The following ARSL variants were observed in gnomAD, a reference collection of about 807,000 sequenced individuals.
ARSL encodes the protein arylsulfatase L.
ARSL carries 4 observed loss-of-function variants against 31.1 expected under a neutral mutation model. That is an observed-to-expected ratio of 0.13 (90% CI 0.06 to 0.29). The LOEUF is 0.29. ARSL is among the 10% of genes least tolerant of loss of function. ARSL has a pLI of 1.00. For synonymous variants in ARSL, 198 were observed against 209.9 expected (o/e 0.94, Z 0.49); for missense variants, 312 against 497.8 (o/e 0.63, Z 3.55).
chrX:2,940,170 A>T (rs1407931176), intron 8 of ARSL, among the ~76,000 whole-genome samples: 1 of 109,982 alleles, frequency 9.1e-6, no homozygotes, highest in Non-Finnish European at 1.9e-5. Flanking sequence ...GCCTGGCCTT[A>T]TCCTTCTTGG....
Position 2,938,194 on chromosome X carries a change from C to A in ARSL, c.1190G>T (p.Gly397Val). ...IRVPGIFRWP[G>V]VLPAGRVIGE... Reference sequence around the variant, plus strand: ...AATCACTCGGCCGGCCGGGAGCACCCCGGGCCAGCGGAAGATCCCGGGCAC... The same window carrying A: ...AATCACTCGGCCGGCCGGGAGCACCACGGGCCAGCGGAAGATCCCGGGCAC... Residue 397 changes from glycine (G) to valine (V), a missense_variant, in exon 9 of 11, where the codon GGG becomes GTG. Coordinates refer to ENST00000381134, the MANE Select transcript of ARSL (RefSeq NM_000047.3). The A allele has an allele frequency of 8.2e-7, 1 of 1,212,200 alleles. No homozygotes were observed. The highest frequency in any genetic ancestry group is 1.1e-6 in the Non-Finnish European group (1 of 895,625).
At position 2,949,666 on chromosome X, in the gene ARSL, A is replaced by T; in HGVS notation, c.492T>A (p.His164Gln). 8.3e-7 allele frequency: 1 copy of T among 1,211,830 alleles called. No individual in the cohort carries two copies. Among genetic ancestry groups the T allele is most frequent in the Non-Finnish European group, 1.1e-6 (1 of 895,510 alleles). The part of the protein sequence containing the change: ...SASDHCHHPL[H>Q]HGFDHFYGMP... Reference sequence around the variant, plus strand: ...TTCCGTAGAAATGGTCAAAGCCATGATGGAGAGGGTGGTGGCAATGATCAC... The same window carrying T: ...TTCCGTAGAAATGGTCAAAGCCATGTTGGAGAGGGTGGTGGCAATGATCAC... The change falls in exon 6 of 11, where the codon CAT becomes CAA. Residue 164 changes from histidine to glutamine, a missense_variant. His to Gln is a conservative substitution (Grantham distance 24). Transcript: ENST00000381134.
At chrX:2,967,796 C>T (rs998513356), upstream of ARSL, among the ~76,000 whole-genome samples, 5 of 111,491 alleles carry the variant, frequency 4.5e-5, no homozygotes, top group Non-Finnish European at 9.4e-5. Flanking sequence ...TTCGCCTGGG[C>T]CCTGTTCCCA....
chrX:2,963,294 G>C (rs2089663441), intron 1 of ARSL, among the ~76,000 whole-genome samples: 1 of 111,141 alleles, frequency 9.0e-6, no homozygotes, highest in South Asian at 3.8e-4. Context: ...TGTACATGGA[G>C]AGAAAACCAA....
chrX:2,937,008 G>T, intron 9 of ARSL, 145 bp from the exon 10 acceptor site: 1 of 806,522 alleles, frequency 1.2e-6, no homozygotes, highest in Non-Finnish European at 1.8e-6. Flanking sequence ...GAACGCAGAT[G>T]GATGGAAGGC....
intron 9 of ARSL, among the ~76,000 whole-genome samples, chrX:2,937,348 C>T (rs1391772457): frequency 1.0e-3 from 111 of 106,215 alleles, no homozygotes; most frequent in African/African-American, 3.5e-3. Context: ...GAGCCTAGAT[C>T]GCACCACTGC....
chrX:2,945,732 T>C (rs765627286), intron 7 of ARSL, among the ~76,000 whole-genome samples: 1 of 111,743 alleles, frequency 8.9e-6, no homozygotes, highest in Non-Finnish European at 1.9e-5. Flanking sequence ...CATTATTCTG[T>C]CTAGGGAGTG....
At chrX:2,944,187 G>A (rs1366240560) in intron 7 of ARSL, among the ~76,000 whole-genome samples, 3 of 108,666 alleles carry the variant, frequency 2.8e-5, no homozygotes, top group Non-Finnish European at 5.7e-5. Context: ...CAGGCGCAGT[G>A]GCTCATCCCT....
At chrX:2,965,826 G>A (rs1344810559), upstream of ARSL, among the ~76,000 whole-genome samples, 1 of 112,082 alleles carries the variant, frequency 8.9e-6, no homozygotes, top group Non-Finnish European at 1.9e-5. Flanking sequence ...GCTTGAACCC[G>A]GGAGACGGAG....
intron 7 of ARSL, among the ~76,000 whole-genome samples, chrX:2,944,311 A>G (rs1023014754): frequency 1.1e-4 from 12 of 108,726 alleles, no homozygotes; most frequent in East Asian, 5.8e-4. Context: ...AAAATTAGCC[A>G]GGCATGGTGG....
At chrX:2,945,970 A>G in intron 7 of ARSL, 28 bp downstream of exon 7, 1 of 1,209,458 alleles carries the variant, frequency 8.3e-7, no homozygotes, top group Non-Finnish European at 1.1e-6. Context: ...GAAGGGAAGC[A>G]GCCCATTTTC....
intron 2 of ARSL, among the ~76,000 whole-genome samples, 170 bp from the exon 3 acceptor site, chrX:2,958,605 A>C (rs2147402157): frequency 8.9e-6 from 1 of 112,058 alleles, no homozygotes; most frequent in Non-Finnish European, 1.9e-5. Flanking sequence ...ATTAACTGAT[A>C]CCGTTGATGG....
intron 5 of ARSL, among the ~76,000 whole-genome samples, chrX:2,950,484 C>G (rs779333069): frequency 9.0e-5 from 10 of 111,627 alleles, no homozygotes; most frequent in Non-Finnish European, 1.5e-4. Context: ...GTAATAATCC[C>G]TATGTGTCAA....
At chrX:2,959,745 G>A in intron 2 of ARSL, 1 of 1,130,833 alleles carries the variant, frequency 8.8e-7, no homozygotes, top group Non-Finnish European at 1.2e-6. Flanking sequence ...AGTGCATTCT[G>A]AGAAAGCACC....
rs772315733 is a variant in ARSL at position 2,958,382 on chromosome X, G to A, written c.77C>T (p.Ala26Val). 36 of 1,210,542 alleles carry A rather than the reference G, an allele frequency of 3.0e-5. No individual in the cohort carries two copies. In the South Asian group the frequency reaches 5.8e-4, roughly 20 times the overall value. The change falls in exon 3 of 11, where the codon GCA becomes GTA. Residue 26 changes from alanine (A) to valine (V), a missense_variant. Physicochemically the swap from Ala to Val is moderately conservative, Grantham distance 64. Coordinates refer to ENST00000381134, the MANE Select transcript of ARSL (RefSeq NM_000047.3). ...PAMLAVLLSL[A>V]PSASSDISAS... ...GGAAATGTCGCTGGAAGCTGATGGT[G>A]CCAAACTTAGCAGTACAGCGAGCAT...
At chrX:2,953,709 C>CA (rs2089490543) in intron 4 of ARSL, among the ~76,000 whole-genome samples, 1 of 109,635 alleles carries the variant, frequency 9.1e-6, no homozygotes. Flanking sequence ...TGCACCACCA[C>CA]ACCTGGCTAA....
chrX:2,952,456 C>T (rs866812343), intron 5 of ARSL, among the ~76,000 whole-genome samples: 21 of 111,411 alleles, frequency 1.9e-4, no homozygotes, highest in African/African-American at 6.2e-4. Context: ...CATGAGCCAC[C>T]GCGCCTGACC....
chrX:2,953,124 CTT>C lies in ARSL; in HGVS notation c.430+17_430+18del. The C allele has an allele frequency of 8.3e-7, 1 of 1,205,320 alleles. No individual in the cohort carries two copies. Among genetic ancestry groups the C allele is most frequent in the Non-Finnish European group, 1.1e-6 (1 of 891,372 alleles). On this transcript the variant is annotated intron_variant, in intron 5 of 10. Transcript: ENST00000381134. ...CCATATAAAAGTCATGTGCTTACCA[CTT>C]TTAAAAACGTACATACCAATGAGTC...
chrX:2,937,463 A>C (rs1426598660), intron 9 of ARSL, among the ~76,000 whole-genome samples: 1 of 111,011 alleles, frequency 9.0e-6, no homozygotes, highest in Non-Finnish European at 1.9e-5. Flanking sequence ...ACAAAAGCCC[A>C]CTAAGAGTTC....
Sources: gnomAD v4.1 joint callset for allele counts (sites outside exome capture counted in the v4.1 genomes callset) on GRCh38, gnomAD v4.1.1 for gene constraint, MANE v1.5 for transcripts, NCBI Gene and HGNC (gene_info 2026-07-23, HGNC 2026-07-21) for gene names.